The following TENM4 variants were observed in gnomAD, a reference collection of about 807,000 sequenced individuals.
TENM4 encodes the protein teneurin-4.
A neutral mutation model predicts 243.3 loss-of-function variants in TENM4; 82 were observed. The observed-to-expected ratio is 0.34, with a 90% CI of 0.28 to 0.40. The LOEUF is 0.40. Ranked by LOEUF, TENM4 falls within the 10% of genes least tolerant of loss-of-function variation. The pLI, the probability that TENM4 is intolerant of heterozygous loss-of-function variation, is 1.00. For synonymous variants in TENM4, 1,412 were observed against 1,456.3 expected, an observed-to-expected ratio of 0.97 and a Z score of 0.69; for missense variants, 3,138 against 3,673.3, an observed-to-expected ratio of 0.85 and a Z score of 3.77.
intron 4 of TENM4, among the ~76,000 whole-genome samples, chr11:79,112,196 C>T (rs937496292): frequency 6.6e-6 from 1 of 152,254 alleles, no homozygotes; most frequent in East Asian, 1.9e-4. Flanking sequence ...ATGCATATAC[C>T]CGTGTCTGTA....
intron 3 of TENM4, among the ~76,000 whole-genome samples, chr11:79,169,374 C>T (rs1325365829): frequency 2.0e-5 from 3 of 152,096 alleles, no homozygotes; most frequent in South Asian, 2.1e-4. Flanking sequence ...GTTGAGTGAT[C>T]GCAAGAGGGA....
chr11:79,381,634 A>G (rs1858006174), intron 1 of TENM4, among the ~76,000 whole-genome samples: 1 of 150,664 alleles, frequency 6.6e-6, no homozygotes, highest in African/African-American at 2.5e-5. Context: ...AAGCATTGGG[A>G]TATTTGAATT....
chr11:79,296,491 T>C (rs958630774), intron 2 of TENM4, among the ~76,000 whole-genome samples: 1 of 152,212 alleles, frequency 6.6e-6, no homozygotes, highest in African/African-American at 2.4e-5. Context: ...CATTGCTTTC[T>C]GGAAGAATCA....
intron 4 of TENM4, among the ~76,000 whole-genome samples, chr11:79,148,484 C>G (rs1475496036): frequency 1.3e-5 from 2 of 152,020 alleles, no homozygotes; most frequent in Non-Finnish European, 2.9e-5. Context: ...CCTTTTATCT[C>G]TAAGATTCCA....
At position 78,720,400 on chromosome 11, in the gene TENM4, G is replaced by C; in HGVS notation, c.3801-10C>G. The stretch of plus-strand genomic sequence containing the variant: ...TCTGAAATCTTTATTTCTGACAGAA[G>C]ACAGGAGAGCAGGGAATAGAAGAAA... On this transcript the variant is annotated splice_polypyrimidine_tract_variant and intron_variant, in intron 24 of 33. Transcript: ENST00000278550. The C allele has an allele frequency of 6.2e-7, 1 of 1,613,916 alleles. No individual in the cohort carries two copies. Among genetic ancestry groups the C allele is most frequent in the Non-Finnish European group, 8.5e-7 (1 of 1,179,872 alleles).
intron 6 of TENM4, among the ~76,000 whole-genome samples, chr11:79,039,832 C>G (rs1247716330): frequency 6.6e-6 from 1 of 152,062 alleles, no homozygotes; most frequent in African/African-American, 2.4e-5. Context: ...AAAATAGTAC[C>G]TCCTATAAAC....
intron 9 of TENM4, among the ~76,000 whole-genome samples, chr11:78,889,098 G>A (rs751416266): frequency 2.0e-5 from 3 of 152,206 alleles, no homozygotes; most frequent in African/African-American, 4.8e-5. Flanking sequence ...CAAGGCAGAG[G>A]TCGGGAGGAG....
At chr11:78,839,132 G>A (rs1858191868) in intron 12 of TENM4, among the ~76,000 whole-genome samples, 1 of 152,064 alleles carries the variant, frequency 6.6e-6, no homozygotes, top group South Asian at 2.1e-4. Flanking sequence ...TCTTCTTCCT[G>A]TAATTTCTTC....
intron 6 of TENM4, among the ~76,000 whole-genome samples, chr11:79,058,576 C>T (rs1860003992): frequency 2.0e-5 from 3 of 151,786 alleles, no homozygotes; most frequent in South Asian, 4.2e-4. Context: ...GGATAATGGA[C>T]ACTGTAGTAG....
At chr11:78,739,605 A>G (rs1371005724) in intron 19 of TENM4, among the ~76,000 whole-genome samples, 1 of 152,078 alleles carries the variant, frequency 6.6e-6, no homozygotes, top group Admixed American at 6.6e-5. Flanking sequence ...TGGGACAACT[A>G]GAGATCATCT....
intron 3 of TENM4, among the ~76,000 whole-genome samples, chr11:79,160,408 C>T (rs1862718162): frequency 6.6e-6 from 1 of 152,162 alleles, no homozygotes; most frequent in Admixed American, 6.5e-5. Context: ...GGTTCAGATT[C>T]CAGAACACAG....
chr11:79,190,849 T>G (rs1368092903), intron 3 of TENM4, among the ~76,000 whole-genome samples: 1 of 28,760 alleles, frequency 3.5e-5, no homozygotes, highest in East Asian at 2.0e-3. Flanking sequence ...CCCTCTCCCG[T>G]CTCCCTCTCC....
rs150437115 is a variant in TENM4 at position 78,803,205 on chromosome 11, G to A, written c.2179+2087C>T. ...TCATTGCGCCCGGCTAATTTTTGTA[G>A]TTTTAGTGGAGACGGGGTTTCACCA... On this transcript the variant is annotated intron_variant, in intron 15 of 33. Transcript: ENST00000278550. Among the ~76,000 whole-genome samples the A allele has an allele frequency of 9.2e-4, 140 of 151,914 alleles. 2 individuals are homozygous for A. The highest frequency in any genetic ancestry group is 3.3e-3 in the African/African-American group (135 of 41,452).
chr11:79,211,905 G>GC (rs1863963328), intron 3 of TENM4, among the ~76,000 whole-genome samples: 1 of 152,214 alleles, frequency 6.6e-6, no homozygotes. Context: ...GAAGGCAGGG[G>GC]AGGACAAGGT....
intron 6 of TENM4, among the ~76,000 whole-genome samples, chr11:78,995,693 CT>C (rs1338103363): frequency 0.015 from 2,142 of 140,534 alleles, 53 homozygotes; most frequent in African/African-American, 0.047. Context: ...AACATCACTG[CT>C]TTTTTTTTTT....
intron 2 of TENM4, among the ~76,000 whole-genome samples, chr11:79,283,601 C>T (rs1248735618): frequency 2.0e-5 from 3 of 152,172 alleles, no homozygotes; most frequent in Admixed American, 2.0e-4. Flanking sequence ...TCACATCTAA[C>T]ATTCTACTTA....
intron 6 of TENM4, among the ~76,000 whole-genome samples, chr11:78,994,597 C>G (rs925532412): frequency 1.3e-5 from 2 of 152,216 alleles, no homozygotes; most frequent in Non-Finnish European, 2.9e-5. Flanking sequence ...ATTTCATACA[C>G]TGTGTTCATT....
intron 15 of TENM4, 136 bp downstream of exon 15, chr11:78,805,156 T>C: frequency 1.7e-6 from 1 of 604,232 alleles, no homozygotes. Flanking sequence ...AAGGCTAGAG[T>C]TCAGAGAAAG....
chr11:78,999,230 T>C (rs1405642001), intron 6 of TENM4, among the ~76,000 whole-genome samples: 3 of 152,116 alleles, frequency 2.0e-5, no homozygotes, highest in Admixed American at 6.5e-5. Flanking sequence ...AGATAAACAA[T>C]GGGCTGGGCG....
Sources: gnomAD v4.1 joint callset for allele counts (sites outside exome capture counted in the v4.1 genomes callset) on GRCh38, gnomAD v4.1.1 for gene constraint, MANE v1.5 for transcripts, NCBI Gene and HGNC (gene_info 2026-07-23, HGNC 2026-07-21) for gene names.